NEBL: variants seen among roughly 807,000 people sequenced by gnomAD.
NEBL encodes nebulette, also known as LIM and SH3 protein 2.
In NEBL, 122 loss-of-function variants were observed where a neutral mutation model predicts 140.2. That is an observed-to-expected ratio of 0.87 (90% CI 0.75 to 1.01). The LOEUF (loss-of-function observed/expected upper bound fraction) is 1.01, where lower values mean the gene tolerates loss of function less well. Among genes scored for constraint, NEBL ranks in the 50% least tolerant of loss-of-function variants. NEBL has a pLI of 0.00. For missense variants in NEBL, 1,365 were observed against 1,231.3 expected, an observed-to-expected ratio of 1.11 and a Z score of -1.62; for synonymous variants, 436 against 398.9, an observed-to-expected ratio of 1.09 and a Z score of -1.11.
intron 2 of NEBL, among the ~76,000 whole-genome samples, chr10:21,046,597 C>T (rs1344607145): frequency 6.6e-6 from 1 of 151,978 alleles, no homozygotes; most frequent in African/African-American, 2.4e-5. Flanking sequence ...AACCTCAATA[C>T]TTTTGTTTTT....
At chr10:21,203,908 A>G (rs1036386137) in intron 3 of NEBL, among the ~76,000 whole-genome samples, 3 of 152,124 alleles carry the variant, frequency 2.0e-5, no homozygotes, top group African/African-American at 4.8e-5. Flanking sequence ...TCAGAGCACA[A>G]GAAGCAGGGT....
At chr10:21,230,805 A>C (rs368650081) in intron 3 of NEBL, among the ~76,000 whole-genome samples, 75 of 152,136 alleles carry the variant, frequency 4.9e-4, no homozygotes, top group African/African-American at 1.8e-3. Context: ...GGGTTTCACC[A>C]TGTTGCTCAG....
chr10:20,809,802 A>C lies in NEBL; in HGVS notation c.2611+4T>G. 6.3e-7 allele frequency: 1 copy of C among 1,594,194 alleles called. No individual in the cohort carries two copies. Among genetic ancestry groups the C allele is most frequent in the Non-Finnish European group, 8.6e-7 (1 of 1,161,932 alleles). ...AATGGGATGAACTAAAAAGTGAGTA[A>C]TACCAGAGAGCATATGGAGACTTCT... On this transcript the variant is annotated splice_donor_region_variant and intron_variant, in intron 25 of 27. Coordinates refer to ENST00000377122, the MANE Select transcript of NEBL (RefSeq NM_006393.3).
At chr10:21,018,565 A>C (rs1838652272) in intron 3 of NEBL, among the ~76,000 whole-genome samples, 2 of 152,134 alleles carry the variant, frequency 1.3e-5, no homozygotes, top group Admixed American at 1.3e-4. Context: ...TGGCATTATT[A>C]ACCAACAGTA....
intron 4 of NEBL, among the ~76,000 whole-genome samples, chr10:20,947,406 C>T (rs1835222351): frequency 6.6e-6 from 1 of 152,148 alleles, no homozygotes; most frequent in African/African-American, 2.4e-5. Context: ...TAGAAAGTGT[C>T]AAACTCACCT....
intron 3 of NEBL, among the ~76,000 whole-genome samples, chr10:21,213,587 C>T (rs957330786): frequency 6.6e-6 from 1 of 152,072 alleles, no homozygotes; most frequent in African/African-American, 2.4e-5. Flanking sequence ...GTTAATGAGG[C>T]ATTCATGAAG....
intron 1 of NEBL, among the ~76,000 whole-genome samples, chr10:21,286,090 C>A (rs546538331): frequency 6.6e-6 from 1 of 152,300 alleles, no homozygotes; most frequent in East Asian, 1.9e-4. Flanking sequence ...CTCACTATGA[C>A]CTTGGCTCTT....
chr10:21,077,549 G>A (rs889877371), intron 2 of NEBL, among the ~76,000 whole-genome samples: 1 of 152,086 alleles, frequency 6.6e-6, no homozygotes. Flanking sequence ...GGAGCTTGCA[G>A]TGAGCCGAGA....
chr10:21,275,507 T>A (rs1420388124), intron 1 of NEBL, among the ~76,000 whole-genome samples: 2 of 152,198 alleles, frequency 1.3e-5, no homozygotes. Flanking sequence ...CAGGTTTTCC[T>A]CCTCTCTGTT....
chr10:21,026,783 C>T (rs980585863), intron 2 of NEBL, among the ~76,000 whole-genome samples: 18 of 152,220 alleles, frequency 1.2e-4, no homozygotes, highest in African/African-American at 4.3e-4. Context: ...AAGGATGGCC[C>T]TTCTCTGGTG....
intron 5 of NEBL, 117 bp from the exon 6 acceptor site, chr10:20,869,958 C>A: frequency 2.6e-6 from 2 of 762,332 alleles, no homozygotes; most frequent in Non-Finnish European, 4.6e-6. Flanking sequence ...AGCCTACTGA[C>A]CTTAAGTTGG....
Position 20,812,760 on chromosome 10 carries a change from T to A in NEBL, c.2518+9A>T. ...CACACACACCGGCCGACAAACGCCGTCAGCTTACCAACAATGATTCCAGGT... is the reference window on the plus strand; with the variant it reads ...CACACACACCGGCCGACAAACGCCGACAGCTTACCAACAATGATTCCAGGT... On this transcript the variant is annotated intron_variant, in intron 24 of 27. Coordinates refer to ENST00000377122, the MANE Select transcript of NEBL (RefSeq NM_006393.3). The A allele has an allele frequency of 6.2e-7, 1 of 1,613,782 alleles. No individual in the cohort carries two copies. Among genetic ancestry groups the A allele is most frequent in the Non-Finnish European group, 8.5e-7 (1 of 1,179,838 alleles).
intron 5 of NEBL, among the ~76,000 whole-genome samples, chr10:20,879,828 A>AT (rs1845848967): frequency 6.6e-6 from 1 of 151,696 alleles, no homozygotes; most frequent in Non-Finnish European, 1.5e-5. Flanking sequence ...AGGAGATTTT[A>AT]AAAAAAAGCT....
intron 3 of NEBL, among the ~76,000 whole-genome samples, chr10:21,246,459 A>G (rs1396602134): frequency 4.6e-5 from 7 of 152,220 alleles, no homozygotes; most frequent in African/African-American, 1.7e-4. Flanking sequence ...AAAACCACTC[A>G]AATATCCTTC....
intron 18 of NEBL, among the ~76,000 whole-genome samples, chr10:20,824,727 T>C (rs1037254976): frequency 9.2e-5 from 14 of 152,194 alleles, no homozygotes; most frequent in African/African-American, 3.4e-4. Context: ...TATACTGTAA[T>C]ACTCTGGGAT....
intron 14 of NEBL, among the ~76,000 whole-genome samples, chr10:20,833,771 GA>G (rs1207762191): frequency 2.7e-5 from 4 of 149,066 alleles, no homozygotes; most frequent in African/African-American, 4.9e-5. Context: ...AAAAAAAAAA[GA>G]AAAAAAGAAT....
At chr10:20,906,359 C>T (rs957926587) in intron 4 of NEBL, among the ~76,000 whole-genome samples, 2 of 152,044 alleles carry the variant, frequency 1.3e-5, no homozygotes, top group Admixed American at 6.6e-5. Flanking sequence ...CACTTTAAGC[C>T]AGGGAAAACA....
At position 21,103,170 on chromosome 10, in the gene NEBL, C is replaced by T. The variant is rs189922517; in HGVS notation, c.164+69213G>A. 1.6e-3 allele frequency among the ~76,000 whole-genome samples: 240 copies of T among 151,432 alleles called. 1 individual carries two copies. The highest frequency in any genetic ancestry group is 5.6e-3 in the African/African-American group (233 of 41,274). ...TATTTTATAAAATAAAATGTATGTA[C>T]AGGAGCATATGAGAGTTCCAGTTAC... On this transcript the variant is annotated intron_variant, in intron 2 of 6. Transcript: ENST00000417816.
At chr10:21,189,072 A>T (rs74121093) in intron 3 of NEBL, among the ~76,000 whole-genome samples, 1 of 152,186 alleles carries the variant, frequency 6.6e-6, no homozygotes, top group Non-Finnish European at 1.5e-5. Context: ...GCCCCCAAAA[A>T]GTATGTCAAT....
Sources: allele counts gnomAD v4.1 joint callset (sites outside exome capture counted in the v4.1 genomes callset), GRCh38; gene constraint gnomAD v4.1.1; transcripts MANE v1.5; gene names NCBI Gene and HGNC (gene_info 2026-07-23, HGNC 2026-07-21).